Variants in GRIN2B observed in about 807,000 individuals in gnomAD.
GRIN2B encodes the protein glutamate ionotropic receptor NMDA type subunit 2B, also known as glutamate receptor ionotropic, NMDA 2B.
Under a neutral mutation model 114.5 loss-of-function variants are expected in GRIN2B, and 5 were observed. The observed-to-expected ratio is 0.04, with a 90% CI of 0.02 to 0.09. GRIN2B has a LOEUF of 0.09. GRIN2B is among the 10% of genes least tolerant of loss of function. The probability of loss-of-function intolerance (pLI) is 1.00; values close to 1 mark genes in which losing one functional copy is unlikely to be tolerated. For synonymous variants in GRIN2B, 787 were observed against 745.1 expected (o/e 1.06, Z -0.92); for missense variants, 1,108 against 1,943.5 (o/e 0.57, Z 8.08).
intron 3 of GRIN2B, among the ~76,000 whole-genome samples, chr12:13,862,901 C>A (rs2054092973): frequency 1.3e-5 from 2 of 152,194 alleles, no homozygotes; most frequent in African/African-American, 2.4e-5. Flanking sequence ...GGGGCTGAGC[C>A]TCCAACTTTC....
chr12:13,702,669 C>A (rs908637589), intron 4 of GRIN2B, among the ~76,000 whole-genome samples: 3 of 152,152 alleles, frequency 2.0e-5, no homozygotes, highest in African/African-American at 7.2e-5. Context: ...ACCAGGGATT[C>A]AACTCACTTC....
chr12:13,767,239 G>A (rs545888223), intron 3 of GRIN2B, among the ~76,000 whole-genome samples: 1 of 127,284 alleles, frequency 7.9e-6, no homozygotes, highest in Admixed American at 9.3e-5. Context: ...CAGCCTGTGC[G>A]AAAGTACAGA....
At chr12:13,583,574 T>C (rs1158528016) in intron 10 of GRIN2B, among the ~76,000 whole-genome samples, 1 of 151,944 alleles carries the variant, frequency 6.6e-6, no homozygotes, top group Non-Finnish European at 1.5e-5. Flanking sequence ...GCCTATCCAA[T>C]GGGAGGTAAG....
intron 2 of GRIN2B, among the ~76,000 whole-genome samples, chr12:13,875,903 C>T (rs1050070161): frequency 6.6e-6 from 1 of 152,098 alleles, no homozygotes; most frequent in African/African-American, 2.4e-5. Context: ...CAGGATCCAA[C>T]ACAGAATGGG....
intron 3 of GRIN2B, among the ~76,000 whole-genome samples, chr12:13,841,875 A>T (rs2284427): frequency 4.4e-4 from 66 of 150,854 alleles, no homozygotes; most frequent in African/African-American, 1.3e-3. Context: ...TTGTTTTTTT[A>T]AAAAAAATAT....
At chr12:13,637,412 T>TA (rs772875235) in intron 5 of GRIN2B, among the ~76,000 whole-genome samples, 6 of 152,134 alleles carry the variant, frequency 3.9e-5, no homozygotes, top group Non-Finnish European at 7.4e-5. Context: ...TTAAAAAATG[T>TA]AAGTATAGAA....
intron 2 of GRIN2B, among the ~76,000 whole-genome samples, chr12:13,884,072 A>T (rs1407992572): frequency 6.6e-6 from 1 of 152,100 alleles, no homozygotes. Context: ...CCCTTCCTCC[A>T]CCACCTTGAC....
intron 3 of GRIN2B, among the ~76,000 whole-genome samples, chr12:13,823,241 G>A (rs1412178628): frequency 2.0e-5 from 3 of 152,058 alleles, no homozygotes; most frequent in East Asian, 1.9e-4. Flanking sequence ...ATGGAGATGA[G>A]TCTAAAGATG....
chr12:13,959,956 A>G (rs1867661866), intron 2 of GRIN2B, among the ~76,000 whole-genome samples: 1 of 152,060 alleles, frequency 6.6e-6, no homozygotes, highest in Non-Finnish European at 1.5e-5. Context: ...GAGGACGGAG[A>G]AAAAACAGAA....
intron 10 of GRIN2B, among the ~76,000 whole-genome samples, chr12:13,577,758 A>G (rs1948796101): frequency 6.6e-6 from 1 of 152,252 alleles, no homozygotes; most frequent in African/African-American, 2.4e-5. Context: ...ATATTTGCCC[A>G]GCATCTATTA....
intron 4 of GRIN2B, among the ~76,000 whole-genome samples, chr12:13,692,852 T>C (rs1385557743): frequency 1.4e-5 from 2 of 142,310 alleles, no homozygotes; most frequent in Non-Finnish European, 3.0e-5. Context: ...CACTGCAACG[T>C]CCACCTCCTG....
chr12:13,657,442 G>A (rs1949876918), intron 5 of GRIN2B, among the ~76,000 whole-genome samples: 1 of 152,202 alleles, frequency 6.6e-6, no homozygotes, highest in Non-Finnish European at 1.5e-5. Flanking sequence ...GGAATCCCAG[G>A]AGGGCAGTGC....
At chr12:13,603,380 A>G (rs1949190493) in intron 10 of GRIN2B, among the ~76,000 whole-genome samples, 2 of 152,286 alleles carry the variant, frequency 1.3e-5, no homozygotes, top group Non-Finnish European at 2.9e-5. Context: ...AAGAGCATCA[A>G]ATAGCATCAG....
chr12:13,584,995 A>G (rs1210034128), intron 10 of GRIN2B, among the ~76,000 whole-genome samples: 1 of 152,240 alleles, frequency 6.6e-6, no homozygotes, highest in Non-Finnish European at 1.5e-5. Flanking sequence ...TGTGGGTGCT[A>G]GCAAAGAGAA....
At chr12:13,732,565 G>T (rs889744069) in intron 4 of GRIN2B, among the ~76,000 whole-genome samples, 1 of 152,132 alleles carries the variant, frequency 6.6e-6, no homozygotes. Flanking sequence ...TATAGCATTT[G>T]AATTGTACTA....
chr12:13,672,379 T>C (rs1035313789), intron 5 of GRIN2B, among the ~76,000 whole-genome samples: 1 of 152,126 alleles, frequency 6.6e-6, no homozygotes, highest in African/African-American at 2.4e-5. Flanking sequence ...ATCCTCCCTG[T>C]AGAATCTTCA....
rs566036416 is a variant in GRIN2B at position 13,953,100 on chromosome 12, A to G, written c.-19+26828T>C. Among the ~76,000 whole-genome samples the G allele has an allele frequency of 2.0e-5, 3 of 152,066 alleles. No homozygotes were observed. The South Asian group carries it at 6.3e-4, about 32-fold the overall frequency. ...AATCATCTGAAACTTCTCAACTTAC[A>G]TGGCTGACACCTGGGCTCAGCCAGG... On this transcript the variant is annotated intron_variant, in intron 2 of 13. Transcript: ENST00000609686.
intron 5 of GRIN2B, among the ~76,000 whole-genome samples, chr12:13,623,515 C>G (rs1055024131): frequency 2.6e-5 from 4 of 152,208 alleles, no homozygotes; most frequent in African/African-American, 4.8e-5. Context: ...TATCTTCCTG[C>G]TCTAATTTTC....
intron 2 of GRIN2B, among the ~76,000 whole-genome samples, chr12:13,971,788 T>A (rs1464347821): frequency 1.3e-5 from 2 of 152,228 alleles, no homozygotes; most frequent in Non-Finnish European, 2.9e-5. Context: ...CAGCCACACC[T>A]GTTTTAAGGG....
Sources: gnomAD v4.1 joint callset for allele counts (sites outside exome capture counted in the v4.1 genomes callset) on GRCh38, gnomAD v4.1.1 for gene constraint, MANE v1.5 for transcripts, NCBI Gene and HGNC (gene_info 2026-07-23, HGNC 2026-07-21) for gene names.